Variants in WDR6 observed in about 807,000 individuals in gnomAD.
The protein encoded by WDR6 is tRNA (34-2'-O)-methyltransferase regulator WDR6.
A neutral mutation model predicts 85.6 loss-of-function variants in WDR6; 58 were observed. The observed-to-expected ratio is 0.68, with a 90% CI of 0.55 to 0.84. The LOEUF is 0.84. Ranked by LOEUF, WDR6 falls within the 40% of genes least tolerant of loss-of-function variation. The pLI, the probability that WDR6 is intolerant of heterozygous loss-of-function variation, is 0.00. For synonymous variants in WDR6, 569 were observed against 582.2 expected, an observed-to-expected ratio of 0.98 and a Z score of 0.33; for missense variants, 1,310 against 1,476.4, an observed-to-expected ratio of 0.89 and a Z score of 1.85.
rs1281529454 is a variant in WDR6 at position 49,014,307 on chromosome 3, G to A, written c.2666+14G>A. On this transcript the variant is annotated intron_variant, in intron 3 of 5. Transcript: ENST00000608424. The surrounding 1 kb of genome is among the most constrained non-coding windows in gnomAD (Gnocchi z 4.9). ...TGGGGCCGTAAGGTGAGAGCATAGG[G>A]CCCAGTGGGACAGGAGACAAAGGAA... 3.1e-6 allele frequency: 5 copies of A among 1,614,148 alleles called. No homozygotes were observed. The highest frequency in any genetic ancestry group is 4.2e-6 in the Non-Finnish European group (5 of 1,180,018).
rs770232579 is a variant in WDR6, at chr3:49,012,883, A to C, written c.1349A>C (p.Glu450Ala). 1 of 1,613,594 alleles carries C rather than the reference A, an allele frequency of 6.2e-7. No individual in the cohort carries two copies. Among genetic ancestry groups the C allele is most frequent in the Admixed American group, 1.7e-5 (1 of 59,984 alleles). Residue 450 changes from glutamate (E) to alanine (A), a missense_variant, in exon 2 of 6, where the codon GAG becomes GCG. By Grantham distance (107) the Glu-to-Ala change is moderately radical. Coordinates refer to ENST00000608424, the MANE Select transcript of WDR6 (RefSeq NM_018031.6). This position sits in a 1 kb window ranked among gnomAD's most constrained non-coding sequence, Gnocchi z 4.4. ...AGCTGGGCCCTGCGTGGTTATGAGG[A>C]GCTCCTGTTGCTGGCATCGGGCCCT... ...SLSWALRGYEELLLLASGPGG... is the reference protein window; with the variant it reads ...SLSWALRGYEALLLLASGPGG...
chr3:49,009,306 T>TC (rs1200625119), intron 1 of WDR6, among the ~76,000 whole-genome samples: 35 of 11,428 alleles, frequency 3.1e-3, no homozygotes, highest in Non-Finnish European at 3.9e-3. Flanking sequence ...CTCCCATTGC[T>TC]CCCCACCCCC....
intron 1 of WDR6, among the ~76,000 whole-genome samples, chr3:49,009,769 T>C (rs1260868433): frequency 2.0e-5 from 3 of 151,728 alleles, no homozygotes. Flanking sequence ...GCTCTATTGC[T>C]CAGGGTGGAG....
In WDR6 at chr3:49,007,870, C is replaced by T. The variant is rs1047985723; in HGVS notation, c.100+339C>T. ...GCTGAGGGTTGAGGGGGTGTGCTCC[C>T]TTCTAGGAGATGGGCGGGGGCTTGG... On this transcript the variant is annotated intron_variant, in intron 1 of 5. Coordinates refer to ENST00000608424, the MANE Select transcript of WDR6 (RefSeq NM_018031.6). The surrounding 1 kb of genome is among the most constrained non-coding windows in gnomAD (Gnocchi z 5.1). Among the ~76,000 whole-genome samples, 5 of 130,116 alleles carry T rather than the reference C, an allele frequency of 3.8e-5. No homozygotes were observed. The highest frequency in any genetic ancestry group is 8.5e-5 in the Admixed American group (1 of 11,810). 85.4% of individuals were successfully genotyped at this position (130,116 alleles called of 152,430 possible).
chr3:49,012,180 T>C lies in WDR6; in HGVS notation c.646T>C (p.Ser216Pro). The C allele has an allele frequency of 6.2e-7, 1 of 1,614,258 alleles. No individual in the cohort carries two copies. Among genetic ancestry groups the C allele is most frequent in the South Asian group, 1.1e-5 (1 of 91,088 alleles). ...GCATGTGGGCATCATCTTCAGCATG[T>C]CATACCTGGAAAGCAAGGGATTGCT... The part of the protein sequence containing the change: ...SGHVGIIFSM[S>P]YLESKGLLAT... Residue 216 changes from serine (S) to proline (P), a missense_variant, in exon 2 of 6, where the codon TCA becomes CCA. Physicochemically the swap from Ser to Pro is moderately conservative, Grantham distance 74. Transcript: ENST00000608424. This position sits in a 1 kb window ranked among gnomAD's most constrained non-coding sequence, Gnocchi z 4.4.
In WDR6 at chr3:49,015,380, C is replaced by A; in HGVS notation, c.*92C>A. On this transcript the variant is annotated 3_prime_UTR_variant, in exon 6 of 6. Coordinates refer to ENST00000608424, the MANE Select transcript of WDR6 (RefSeq NM_018031.6). ...GCTGTCTGTGCCCATGCTCAGCATG[C>A]CTTGAGGGGAGGAGGTGGTGGCCGT... 6.7e-7 allele frequency: 1 copy of A among 1,490,740 alleles called. No individual in the cohort carries two copies. Among genetic ancestry groups the A allele is most frequent in the Non-Finnish European group, 9.1e-7 (1 of 1,100,202 alleles). The allele number at this position is 1,490,740 out of a possible 1,614,324, so 92.3% of individuals were successfully genotyped here.
chr3:49,015,321 G>A lies in WDR6; in HGVS notation c.*33G>A, dbSNP rs1467729123. The A allele has an allele frequency of 6.3e-7, 1 of 1,595,222 alleles. No homozygotes were observed. Among genetic ancestry groups the A allele is most frequent in the Non-Finnish European group, 8.5e-7 (1 of 1,174,012 alleles). Reference sequence around the variant, plus strand: ...TGCGGTGGCTGGCGTGCTGGGCATGGGGCCTGCTCACAGACAGCATGGAGC... The same window carrying A: ...TGCGGTGGCTGGCGTGCTGGGCATGAGGCCTGCTCACAGACAGCATGGAGC... On this transcript the variant is annotated 3_prime_UTR_variant, in exon 6 of 6. Transcript: ENST00000608424.
In WDR6 at chr3:49,012,987, C is replaced by T; in HGVS notation, c.1453C>T (p.Leu485=). 1.9e-6 allele frequency: 3 copies of T among 1,613,910 alleles called. No homozygotes were observed. The highest frequency in any genetic ancestry group is 2.5e-6 in the Non-Finnish European group (3 of 1,179,954). Residue 485 remains leucine (L), a synonymous_variant, in exon 2 of 6, where the codon CTG becomes TTG. Transcript: ENST00000608424. The surrounding 1 kb of genome is among the most constrained non-coding windows in gnomAD (Gnocchi z 4.4). ...AIFVKERCRY[L]LPPSKQRWHT... is the part of the protein sequence containing the mutation. ...CTTTGTCAAGGAACGTTGTCGGTACCTGCTGCCCCCAAGCAAGCAGAGATG... is the reference window on the plus strand; with the variant it reads ...CTTTGTCAAGGAACGTTGTCGGTACTTGCTGCCCCCAAGCAAGCAGAGATG...
Position 49,015,531 on chromosome 3 carries a change from C to T in WDR6, c.*243C>T. 5 of 1,599,060 alleles carry T rather than the reference C, an allele frequency of 3.1e-6. No individual in the cohort carries two copies. In the South Asian group the frequency reaches 5.6e-5, roughly 18 times the overall value. On this transcript the variant is annotated 3_prime_UTR_variant, in exon 6 of 6. Coordinates refer to ENST00000608424, the MANE Select transcript of WDR6 (RefSeq NM_018031.6). ...AATTTATTTTGGCCGTGGGTTTTTGCTTTTTTTCCAGTTGATGACTTTGTG... is the reference window on the plus strand; with the variant it reads ...AATTTATTTTGGCCGTGGGTTTTTGTTTTTTTTCCAGTTGATGACTTTGTG...
At position 49,014,169 on chromosome 3, in the gene WDR6, G is replaced by A; in HGVS notation, c.2583-41G>A. 1 of 1,614,148 alleles carries A rather than the reference G, an allele frequency of 6.2e-7. No individual in the cohort carries two copies. Among genetic ancestry groups the A allele is most frequent in the East Asian group, 2.2e-5 (1 of 44,884 alleles). ...GTATGGGTCATGCAGATGCTCCCAG[G>A]CTTGCAGGCTCCACCTGACAGCTGC... On this transcript the variant is annotated intron_variant, in intron 2 of 5. Coordinates refer to ENST00000608424, the MANE Select transcript of WDR6 (RefSeq NM_018031.6). This position sits in a 1 kb window ranked among gnomAD's most constrained non-coding sequence, Gnocchi z 4.9.
At position 49,014,953 on chromosome 3, in the gene WDR6, G is replaced by C. The variant is rs138751169; in HGVS notation, c.3031G>C (p.Val1011Leu). 3.7e-6 allele frequency: 6 copies of C among 1,614,094 alleles called. No homozygotes were observed. The highest frequency in any genetic ancestry group is 5.1e-6 in the Non-Finnish European group (6 of 1,179,998). ...TGAAGATGGATCCCTCCATGTCTTC[G>C]TGCTTGCTGTGGAGATGCTACAGCT... The part of the protein sequence containing the change: ...GSEDGSLHVF[V>L]LAVEMLQLEE... The change falls in exon 6 of 6, where the codon GTG becomes CTG. Residue 1011 changes from valine (V) to leucine (L), a missense_variant. Transcript: ENST00000608424. This position sits in a 1 kb window ranked among gnomAD's most constrained non-coding sequence, Gnocchi z 4.9.
In WDR6 at chr3:49,011,751, G is replaced by C. The variant is rs765839269; in HGVS notation, c.217G>C (p.Glu73Gln). 6.2e-7 allele frequency: 1 copy of C among 1,614,230 alleles called. No homozygotes were observed. Among genetic ancestry groups the C allele is most frequent in the Admixed American group, 1.7e-5 (1 of 60,024 alleles). ...YLIHGFRVRP[E>Q]PNGDLDLEAM... Reference sequence around the variant, plus strand: ...TATCCATGGCTTCCGGGTACGGCCAGAGCCTAATGGAGACCTTGACTTGGA... The same window carrying C: ...TATCCATGGCTTCCGGGTACGGCCACAGCCTAATGGAGACCTTGACTTGGA... The change falls in exon 2 of 6, where the codon GAG (glutamate) becomes CAG (glutamine). Residue 73 changes from glutamate to glutamine, a missense_variant. Glu to Gln is a conservative substitution (Grantham distance 29). Transcript: ENST00000608424.
In WDR6 at chr3:49,014,374, G is replaced by GC. The variant is rs748153708; in HGVS notation, c.2667-3dup. 3 of 1,613,956 alleles carry GC rather than the reference G, an allele frequency of 1.9e-6. No homozygotes were observed. Among genetic ancestry groups the GC allele is most frequent in the South Asian group, 2.2e-5 (2 of 91,078 alleles). On this transcript the variant is annotated splice_polypyrimidine_tract_variant and intron_variant, in intron 3 of 5. Coordinates refer to ENST00000608424, the MANE Select transcript of WDR6 (RefSeq NM_018031.6). The surrounding 1 kb of genome is among the most constrained non-coding windows in gnomAD (Gnocchi z 4.9). Reference sequence around the variant, plus strand: ...TGCGTTCTGAGCTGGGCCACCCCCCGCCCCCCAGGCTCTTTCTTTTGCAGG... The same window carrying GC: ...TGCGTTCTGAGCTGGGCCACCCCCCGCCCCCCCAGGCTCTTTCTTTTGCAGG...
In WDR6 at chr3:49,014,384, CT is replaced by C. The variant is rs1559899199; in HGVS notation, c.2669del (p.Leu890ProfsTer61). On this transcript the variant is annotated frameshift_variant and splice_region_variant, in exon 4 of 6. Coordinates refer to ENST00000608424, the MANE Select transcript of WDR6 (RefSeq NM_018031.6). LOFTEE classifies it high-confidence loss of function. This position sits in a 1 kb window ranked among gnomAD's most constrained non-coding sequence, Gnocchi z 4.9. The part of the protein sequence containing the change: ...AAACSDGAVR[L>X]FLLQDSGRIL... ...GCTGGGCCACCCCCCGCCCCCCAGG[CT>C]CTTTCTTTTGCAGGATTCTGGGCGG... 6.2e-7 allele frequency: 1 copy of C among 1,614,164 alleles called. No homozygotes were observed. The highest frequency in any genetic ancestry group is 1.7e-5 in the Admixed American group (1 of 60,022).
At position 49,012,363 on chromosome 3, in the gene WDR6, G is replaced by A. The variant is rs767578747; in HGVS notation, c.829G>A (p.Asp277Asn). ...LENYLISAGE[D>N]CVCLVWSHEG... ...GAATTACCTTATCAGTGCAGGAGAG[G>A]ATTGTGTCTGCTTGGTGTGGAGCCA... Residue 277 changes from aspartate (D) to asparagine (N), a missense_variant, in exon 2 of 6, where the codon GAT (aspartate) becomes AAT (asparagine). Asp to Asn is a conservative substitution (Grantham distance 23). Transcript: ENST00000608424. The surrounding 1 kb of genome is among the most constrained non-coding windows in gnomAD (Gnocchi z 4.4). The A allele has an allele frequency of 3.1e-6, 5 of 1,614,202 alleles. No homozygotes were observed. Among genetic ancestry groups the A allele is most frequent in the South Asian group, 1.1e-5 (1 of 91,086 alleles).
In WDR6 at chr3:49,014,598, A is replaced by G. The variant is rs567482133; in HGVS notation, c.2784-2A>G. 1.2e-6 allele frequency: 2 copies of G among 1,613,524 alleles called. No homozygotes were observed. Among genetic ancestry groups the G allele is most frequent in the Non-Finnish European group, 1.7e-6 (2 of 1,179,928 alleles). On this transcript the variant is annotated splice_acceptor_variant, in intron 4 of 5. Transcript: ENST00000608424. LOFTEE classifies it high-confidence loss of function. The surrounding 1 kb of genome is among the most constrained non-coding windows in gnomAD (Gnocchi z 4.9). Reference sequence around the variant, plus strand: ...ACCAGGCTGTCTTTTCCTGGCTCTCAGGAGGCTCCTCCTGTGCAGCGCAGC... The same window carrying G: ...ACCAGGCTGTCTTTTCCTGGCTCTCGGGAGGCTCCTCCTGTGCAGCGCAGC...
Position 49,007,459 on chromosome 3 carries a change from C to T in WDR6, c.28C>T (p.Pro10Ser). The change falls in exon 1 of 6, where the codon CCG becomes TCG. Residue 10 changes from proline to serine, a missense_variant. Coordinates refer to ENST00000608424, the MANE Select transcript of WDR6 (RefSeq NM_018031.6). The surrounding 1 kb of genome is among the most constrained non-coding windows in gnomAD (Gnocchi z 5.1). The stretch of plus-strand genomic sequence containing the variant: ...GGACGCTCTCGAGGACTACGTTTGG[C>T]CGCGGGCAACCTCGGAGCTTATACT... MDALEDYVW[P>S]RATSELILLP... The T allele has an allele frequency of 6.2e-7, 1 of 1,612,448 alleles. No individual in the cohort carries two copies. Among genetic ancestry groups the T allele is most frequent in the Non-Finnish European group, 8.5e-7 (1 of 1,179,174 alleles).
chr3:49,014,056 AT>A lies in WDR6; in HGVS notation c.2523del (p.Asp841GlufsTer16). The A allele has an allele frequency of 6.2e-7, 1 of 1,613,022 alleles. No homozygotes were observed. Among genetic ancestry groups the A allele is most frequent in the East Asian group, 2.2e-5 (1 of 44,880 alleles). The stretch of plus-strand genomic sequence containing the variant: ...ATGCACCTTTCGTCCCACCGGCTAG[AT>A]GAGTATTGGGACCGGCAACGCAATC... ...HVMHLSSHRL[D>X]EYWDRQRNRH... On this transcript the variant is annotated frameshift_variant, in exon 2 of 6. Transcript: ENST00000608424. LOFTEE classifies it high-confidence loss of function. This position sits in a 1 kb window ranked among gnomAD's most constrained non-coding sequence, Gnocchi z 4.9.
In WDR6 at chr3:49,012,277, T is replaced by G; in HGVS notation, c.743T>G (p.Val248Gly). Residue 248 changes from valine to glycine, a missense_variant, in exon 2 of 6, where the codon GTG becomes GGG. By Grantham distance (109) the Val-to-Gly change is moderately radical. Transcript: ENST00000608424. The surrounding 1 kb of genome is among the most constrained non-coding windows in gnomAD (Gnocchi z 4.4). ...VGDLRVPGGR[V>G]QNIGHCFGHS... ...GACCTGCGAGTGCCTGGGGGTCGGG[T>G]GCAGAATATTGGGCACTGCTTTGGG... 6 of 1,614,228 alleles carry G rather than the reference T, an allele frequency of 3.7e-6. No homozygotes were observed. Among genetic ancestry groups the G allele is most frequent in the Non-Finnish European group, 5.1e-6 (6 of 1,180,038 alleles).
Sources: allele counts gnomAD v4.1 joint callset (sites outside exome capture counted in the v4.1 genomes callset), GRCh38; gene constraint gnomAD v4.1.1; non-coding constraint Gnocchi (gnomAD v3.1); transcripts MANE v1.5; gene names NCBI Gene and HGNC (gene_info 2026-07-23, HGNC 2026-07-21).